The following NUP210 variants were observed in gnomAD, a reference collection of about 807,000 sequenced individuals.
NUP210 encodes nucleoporin 210.
NUP210 carries 151 observed loss-of-function variants against 196.0 expected under a neutral mutation model. The observed-to-expected ratio is 0.77, with a 90% confidence interval of 0.67 to 0.88. NUP210 has a LOEUF of 0.88. Among genes scored for constraint, NUP210 ranks in the 40% least tolerant of loss-of-function variants. NUP210 has a pLI of 0.00. For synonymous variants in NUP210, 1,070 were observed against 1,052.7 expected (o/e 1.02, Z -0.32); for missense variants, 2,314 against 2,493.7 (o/e 0.93, Z 1.53).
At chr3:13,390,769 G>A (rs1317916299) in intron 4 of NUP210, among the ~76,000 whole-genome samples, 3 of 152,202 alleles carry the variant, frequency 2.0e-5, no homozygotes, top group Non-Finnish European at 4.4e-5. Context: ...TAAGGTGTCC[G>A]CCTCACAACT....
At chr3:13,376,989 C>T (rs1698933492) in intron 9 of NUP210, among the ~76,000 whole-genome samples, 1 of 152,190 alleles carries the variant, frequency 6.6e-6, no homozygotes, top group Non-Finnish European at 1.5e-5. Flanking sequence ...CTGACACCCC[C>T]TTCCAGAACC....
In NUP210 at chr3:13,420,216, C is replaced by G. The variant is rs1382153528; in HGVS notation, c.11G>C (p.Arg4Pro). MAA[R>P]GRGLLLLTLS... The stretch of plus-strand genomic sequence containing the variant: ...CGTCAGCAGCAGCAGCCCCCGGCCC[C>G]GCGCCGCCATCCTCGCCGCGCGTCA... Residue 4 changes from arginine to proline, a missense_variant, in exon 1 of 40, where the codon CGG becomes CCG. By Grantham distance (103) the Arg-to-Pro change is moderately radical. Coordinates refer to ENST00000254508, the MANE Select transcript of NUP210 (RefSeq NM_024923.4). The surrounding 1 kb of genome is among the most constrained non-coding windows in gnomAD (Gnocchi z 4.8). The G allele has an allele frequency of 1.7e-6, 2 of 1,159,942 alleles. No homozygotes were observed. The highest frequency in any genetic ancestry group is 2.7e-4 in the Middle Eastern group (1 of 3,740). The allele number at this position is 1,159,942 out of a possible 1,614,324, so 71.9% of individuals were successfully genotyped here.
chr3:13,331,671 G>C (rs554663085), intron 29 of NUP210, among the ~76,000 whole-genome samples: 1 of 152,238 alleles, frequency 6.6e-6, no homozygotes, highest in African/African-American at 2.4e-5. Flanking sequence ...TGTTACTTTT[G>C]GCTGAATGAA....
chr3:13,347,422 G>T lies in NUP210; in HGVS notation c.2836-4119C>A. The T allele has an allele frequency of 2.7e-6, 2 of 751,836 alleles. No homozygotes were observed. The allele number at this position is 751,836 out of a possible 1,614,324, so 46.6% of individuals were successfully genotyped here. ...AAGAAGGAAAACTTAGGCTTAAATC[G>T]GATAAACACTCCTATGTGCAAACCA... On this transcript the variant is annotated intron_variant, in intron 20 of 39. Transcript: ENST00000254508. This position sits in a 1 kb window ranked among gnomAD's most constrained non-coding sequence, Gnocchi z 4.7.
In NUP210 at chr3:13,340,908, C is replaced by G. The variant is rs1697456897; in HGVS notation, c.3229-610G>C. ...CCTGGCAAGAGTAGGTGAGTGGACG[C>G]AGGAGGTGGCCAGGGTGCTACTTGT... On this transcript the variant is annotated intron_variant, in intron 23 of 39. Transcript: ENST00000254508. This position sits in a 1 kb window ranked among gnomAD's most constrained non-coding sequence, Gnocchi z 4.0. Among the ~76,000 whole-genome samples, 1 of 152,182 alleles carries G rather than the reference C, an allele frequency of 6.6e-6. No individual in the cohort carries two copies. Among genetic ancestry groups the G allele is most frequent in the Non-Finnish European group, 1.5e-5 (1 of 68,024 alleles).
At chr3:13,329,938 C>T (rs1463516494) in intron 30 of NUP210, among the ~76,000 whole-genome samples, 1 of 152,248 alleles carries the variant, frequency 6.6e-6, no homozygotes, top group Non-Finnish European at 1.5e-5. Context: ...TCACTCTGAG[C>T]CTCAGTCTCC....
chr3:13,371,600 G>T (rs767405872), intron 13 of NUP210, among the ~76,000 whole-genome samples: 1 of 152,224 alleles, frequency 6.6e-6, no homozygotes, highest in Non-Finnish European at 1.5e-5. Flanking sequence ...ACACAGCTTA[G>T]AGATGTGAAA....
At chr3:13,344,897 G>A (rs953765081) in intron 20 of NUP210, 1 of 982,260 alleles carries the variant, frequency 1.0e-6, no homozygotes, top group Non-Finnish European at 1.2e-6. Flanking sequence ...CCCAGGTCCA[G>A]CGTCCTTCCT....
intron 37 of NUP210, 112 bp from the exon 38 acceptor site, chr3:13,319,437 G>A (rs1696415550): frequency 5.5e-6 from 5 of 911,422 alleles, no homozygotes; most frequent in East Asian, 2.6e-5. Flanking sequence ...CCTCTTAGAT[G>A]TAAGGATGGT....
chr3:13,334,352 G>T (rs1697121735), intron 28 of NUP210, among the ~76,000 whole-genome samples: 1 of 152,156 alleles, frequency 6.6e-6, no homozygotes, highest in Non-Finnish European at 1.5e-5. Flanking sequence ...TGAGTGTGGG[G>T]ATGTGCATGT....
At chr3:13,321,874 GC>G (rs1696545678) in intron 35 of NUP210, 39 bp from the exon 36 acceptor site, 2 of 1,585,198 alleles carry the variant, frequency 1.3e-6, no homozygotes, top group Non-Finnish European at 1.7e-6. Flanking sequence ...CCCCTCTCCT[GC>G]CCGTGCACTG....
Position 13,342,123 on chromosome 3 carries a change from C to T in NUP210, c.2965G>A (p.Val989Met). The part of the protein sequence containing the change: ...QELYIRVVDK[V>M]EIGKTVKAYV... ...GCCTTCACTGTCTTCCCAATCTCCACCTGCATCATGGGGACAGAGGTTCAG... is the reference window on the plus strand; with the variant it reads ...GCCTTCACTGTCTTCCCAATCTCCATCTGCATCATGGGGACAGAGGTTCAG... Residue 989 changes from valine to methionine, a missense_variant and splice_region_variant, in exon 22 of 40, where the codon GTG (valine) becomes ATG (methionine). Physicochemically the swap from Val to Met is conservative, Grantham distance 21. Transcript: ENST00000254508. The T allele has an allele frequency of 6.2e-7, 1 of 1,614,020 alleles. No individual in the cohort carries two copies.
At chr3:13,362,006 C>T (rs1698387591) in intron 14 of NUP210, among the ~76,000 whole-genome samples, 1 of 152,182 alleles carries the variant, frequency 6.6e-6, no homozygotes, top group Admixed American at 6.5e-5. Flanking sequence ...CCAGCCCCAA[C>T]CTGCAGCCCA....
Position 13,332,358 on chromosome 3 carries a change from G to A in NUP210, c.3870C>T (p.Asn1290=), listed in dbSNP as rs1697030970. 1.2e-6 allele frequency: 2 copies of A among 1,613,666 alleles called. No homozygotes were observed. The highest frequency in any genetic ancestry group is 1.7e-6 in the Non-Finnish European group (2 of 1,179,762). Residue 1290 remains asparagine (N), a synonymous_variant, in exon 29 of 40, where the codon AAC becomes AAT. Coordinates refer to ENST00000254508, the MANE Select transcript of NUP210 (RefSeq NM_024923.4). ...ATATTTGTTCTGCTTCTATTTCAGG[G>A]TTGAGCAGCTGCAGCTTCTCAAACA... ...VQVFEKLQLL[N]PEIEAEQILM... is the part of the protein sequence containing the mutation.
chr3:13,345,750 G>C (rs1697698385), intron 20 of NUP210, among the ~76,000 whole-genome samples: 1 of 152,220 alleles, frequency 6.6e-6, no homozygotes, highest in Non-Finnish European at 1.5e-5. Context: ...GTCAAGTATG[G>C]GCTGAGGAGC....
chr3:13,367,326 T>C (rs1698574083), intron 13 of NUP210, among the ~76,000 whole-genome samples: 3 of 151,754 alleles, frequency 2.0e-5, no homozygotes, highest in African/African-American at 7.3e-5. Flanking sequence ...TCCCAGCTAC[T>C]TGGGAGGCTG....
intron 2 of NUP210, among the ~76,000 whole-genome samples, chr3:13,397,953 C>G (rs1367321167): frequency 6.6e-6 from 1 of 152,130 alleles, no homozygotes; most frequent in East Asian, 1.9e-4. Context: ...TGGGCACACC[C>G]AGAGATTTTT....
At chr3:13,410,036 T>TC (rs1700117131) in intron 1 of NUP210, among the ~76,000 whole-genome samples, 1 of 147,012 alleles carries the variant, frequency 6.8e-6, no homozygotes, top group African/African-American at 2.6e-5. Flanking sequence ...TTTTTTTTTT[T>TC]GTATTTTAGT....
intron 1 of NUP210, among the ~76,000 whole-genome samples, chr3:13,411,034 C>T (rs1364199770): frequency 1.3e-5 from 2 of 151,498 alleles, no homozygotes; most frequent in Non-Finnish European, 2.9e-5. Context: ...CTAACCTGTG[C>T]AATAGTGAGT....
Sources: gnomAD v4.1 joint callset for allele counts (sites outside exome capture counted in the v4.1 genomes callset) on GRCh38, gnomAD v4.1.1 for gene constraint, Gnocchi (gnomAD v3.1) non-coding constraint, MANE v1.5 for transcripts, NCBI Gene and HGNC (gene_info 2026-07-23, HGNC 2026-07-21) for gene names.